NWD1: variants seen among roughly 807,000 people sequenced by gnomAD.
The protein encoded by NWD1 is NACHT and WD repeat domain containing 1.
In NWD1, 129 loss-of-function variants were observed where a neutral mutation model predicts 135.1. The ratio of observed to expected loss-of-function variants is 0.96; its 90% CI spans 0.83 to 1.11. The LOEUF is 1.11. Ranked by LOEUF, NWD1 falls within the 50% of genes least tolerant of loss-of-function variation. The pLI is 0.00. For synonymous variants in NWD1, 773 were observed against 786.0 expected (o/e 0.98, Z 0.28); for missense variants, 1,740 against 1,851.3 (o/e 0.94, Z 1.10).
intron 11 of NWD1, 121 bp from the exon 12 acceptor site, chr19:16,779,222 C>A: frequency 4.3e-6 from 5 of 1,155,860 alleles, no homozygotes; most frequent in Non-Finnish European, 6.4e-6. Flanking sequence ...GGGCAAGGGA[C>A]CAAATCTCTC....
chr19:16,763,183 C>T (rs191349669), intron 8 of NWD1, among the ~76,000 whole-genome samples: 236 of 152,128 alleles, frequency 1.6e-3, no homozygotes, highest in African/African-American at 5.5e-3. Context: ...TTCATCCTGC[C>T]TCTCCAGGAC....
At chr19:16,793,956 A>G (rs745614490) in intron 14 of NWD1, among the ~76,000 whole-genome samples, 2 of 152,156 alleles carry the variant, frequency 1.3e-5, no homozygotes, top group Non-Finnish European at 2.9e-5. Context: ...CAGTGGCACA[A>G]TCATAGCTCA....
rs1167561795 is a variant in NWD1, at chr19:16,794,462, G to A, written c.3214-1G>A. The A allele has an allele frequency of 6.2e-7, 1 of 1,605,436 alleles. No homozygotes were observed. On this transcript the variant is annotated splice_acceptor_variant, in intron 14 of 18. Coordinates refer to ENST00000524140, the MANE Select transcript of NWD1 (RefSeq NM_001007525.5). LOFTEE classifies it high-confidence loss of function. ...TGACAGGCATCCCTGGTTCTGCACA[G>A]GTTTCCTCCAAAGGGGACAGATTGC...
In NWD1 at chr19:16,788,970, GGCCTGCT is replaced by G; in HGVS notation, c.2732-9_2732-3del. The G allele has an allele frequency of 6.2e-7, 1 of 1,606,098 alleles. No individual in the cohort carries two copies. On this transcript the variant is annotated splice_region_variant and splice_polypyrimidine_tract_variant and intron_variant, in intron 12 of 18. Transcript: ENST00000524140. ...CAGCTAATATACTCTCCCCTACCCT[GGCCTGCT>G]GCAGGAGAGGTGAGGTGTGTGAAAA...
chr19:16,774,673 C>T (rs1969537784), intron 11 of NWD1, among the ~76,000 whole-genome samples: 1 of 152,064 alleles, frequency 6.6e-6, no homozygotes, highest in Non-Finnish European at 1.5e-5. Context: ...TCCATCCACT[C>T]ACCCACCTAC....
intron 12 of NWD1, among the ~76,000 whole-genome samples, chr19:16,785,317 G>A (rs139244656): frequency 0.046 from 7,036 of 152,082 alleles, 521 homozygotes; most frequent in African/African-American, 0.16. Context: ...TTCGAGACCA[G>A]CCTGGACAAC....
intron 16 of NWD1, among the ~76,000 whole-genome samples, chr19:16,798,227 G>A (rs572896643): frequency 1.3e-5 from 2 of 152,278 alleles, no homozygotes; most frequent in African/African-American, 4.8e-5. Context: ...TGGTGAAATA[G>A]CAGATCTTCA....
chr19:16,759,819 C>T (rs952599017), intron 7 of NWD1, among the ~76,000 whole-genome samples: 3 of 151,930 alleles, frequency 2.0e-5, no homozygotes, highest in African/African-American at 7.3e-5. Flanking sequence ...CATGGTGAAA[C>T]CCTGTCTCTA....
Position 16,773,292 on chromosome 19 carries a change from C to A in NWD1, c.2577C>A (p.Pro859=), listed in dbSNP as rs756307957. 1.2e-6 allele frequency: 2 copies of A among 1,613,118 alleles called. No homozygotes were observed. The highest frequency in any genetic ancestry group is 1.7e-6 in the Non-Finnish European group (2 of 1,179,954). ...LGGFLQPPGG[P]LRATLSGCHK... is the part of the protein sequence containing the mutation. ...GATTCCTCCAGCCCCCGGGAGGACC[C>A]CTCCGGGCAACTCTCAGCGGCTGTC... Residue 859 remains proline (P), a synonymous_variant, in exon 11 of 19, where the codon CCC becomes CCA. Coordinates refer to ENST00000524140, the MANE Select transcript of NWD1 (RefSeq NM_001007525.5).
At chr19:16,786,050 A>T (rs1412692260) in intron 12 of NWD1, among the ~76,000 whole-genome samples, 1 of 152,088 alleles carries the variant, frequency 6.6e-6, no homozygotes, top group Non-Finnish European at 1.5e-5. Flanking sequence ...TTTTTAGTAG[A>T]AACAAGGTTT....
chr19:16,773,347 A>G, intron 11 of NWD1, 24 bp downstream of exon 11: 1 of 1,600,022 alleles, frequency 6.2e-7, no homozygotes, highest in Non-Finnish European at 8.5e-7. Context: ...GCATAGCAAA[A>G]ATCCCAGCAG....
At chr19:16,757,571 C>A (rs1968845016) in intron 6 of NWD1, among the ~76,000 whole-genome samples, 1 of 152,192 alleles carries the variant, frequency 6.6e-6, no homozygotes, top group South Asian at 2.1e-4. Flanking sequence ...CAAACGCAAG[C>A]CTGATGACCA....
rs1200342544 is a variant in NWD1 at position 16,749,536 on chromosome 19, C to T, written c.894C>T (p.Ile298=). 3.7e-6 allele frequency: 6 copies of T among 1,612,386 alleles called. No homozygotes were observed. Among genetic ancestry groups the T allele is most frequent in the Non-Finnish European group, 5.1e-6 (6 of 1,178,604 alleles). ...GQELAWLYQE[I]RHHLWQSSEV... ...AGTTGGCGTGGCTCTACCAAGAGAT[C>T]CGCCACCACCTTTGGCAGAGCTCGG... Residue 298 remains isoleucine, a synonymous_variant, in exon 6 of 19, where the codon ATC becomes ATT. Transcript: ENST00000524140.
At chr19:16,764,016 G>C (rs1969121772) in intron 9 of NWD1, 71 bp downstream of exon 9, 3 of 955,054 alleles carry the variant, frequency 3.1e-6, no homozygotes, top group Non-Finnish European at 5.1e-6. Flanking sequence ...CTAGAGCCTG[G>C]GGAGGGTGAA....
chr19:16,736,261 G>T (rs1438865584), intron 3 of NWD1, among the ~76,000 whole-genome samples: 2 of 67,698 alleles, frequency 3.0e-5, no homozygotes, highest in African/African-American at 1.3e-4. Flanking sequence ...ACAGAGCCTG[G>T]CTCTGCTGTC....
At chr19:16,808,167 A>G (rs750706465) in intron 18 of NWD1, 31 bp downstream of exon 18, 176 of 1,596,544 alleles carry the variant, frequency 1.1e-4, no homozygotes, top group Non-Finnish European at 1.4e-4. Flanking sequence ...TGTTCATGCT[A>G]GACCCAGGCA....
chr19:16,762,999 G>T (rs1354839925), intron 8 of NWD1, among the ~76,000 whole-genome samples: 1 of 152,000 alleles, frequency 6.6e-6, no homozygotes, highest in African/African-American at 2.4e-5. Flanking sequence ...GGCCAGGCTG[G>T]TCTCGAACTC....
chr19:16,787,882 T>C (rs200373638), intron 12 of NWD1, among the ~76,000 whole-genome samples: 5 of 51,650 alleles, frequency 9.7e-5, no homozygotes, highest in Non-Finnish European at 1.5e-4. Flanking sequence ...ATAACAATAA[T>C]AATAATAATA....
At chr19:16,754,525 C>T (rs560401340) in intron 6 of NWD1, among the ~76,000 whole-genome samples, 2 of 149,742 alleles carry the variant, frequency 1.3e-5, no homozygotes, top group East Asian at 4.0e-4. Context: ...ATCTTCCATT[C>T]ATCTATCCAT....
Sources: gnomAD v4.1 joint callset for allele counts (sites outside exome capture counted in the v4.1 genomes callset) on GRCh38, gnomAD v4.1.1 for gene constraint, MANE v1.5 for transcripts, NCBI Gene and HGNC (gene_info 2026-07-23, HGNC 2026-07-21) for gene names.